Variants in VCAM1 observed in about 807,000 individuals in gnomAD.
The protein encoded by VCAM1 is vascular cell adhesion protein 1.
Under a neutral mutation model 63.8 loss-of-function variants are expected in VCAM1, and 41 were observed. That is an observed-to-expected ratio of 0.64 (90% CI 0.50 to 0.83). The LOEUF is 0.83. Ranked by LOEUF, VCAM1 falls within the 40% of genes least tolerant of loss-of-function variation. The probability of loss-of-function intolerance (pLI) is 0.00; values close to 1 mark genes in which losing one functional copy is unlikely to be tolerated. For missense variants in VCAM1, 798 were observed against 875.5 expected, an observed-to-expected ratio of 0.91 and a Z score of 1.12; for synonymous variants, 338 against 320.7, an observed-to-expected ratio of 1.05 and a Z score of -0.58.
intron 7 of VCAM1, among the ~76,000 whole-genome samples, chr1:100,733,486 C>T (rs3917066): frequency 4.6e-5 from 7 of 152,022 alleles, no homozygotes; most frequent in Non-Finnish European, 1.0e-4. Flanking sequence ...ATTGGAAAGA[C>T]AATACACATC....
In VCAM1 at chr1:100,724,882, T is replaced by C; in HGVS notation, c.920T>C (p.Ile307Thr). ...AAAAACAGAAAAGAGGTGGAATTAATTGTTCAAGGTGAGTAGAATGTGAAA... is the reference window on the plus strand; with the variant it reads ...AAAAACAGAAAAGAGGTGGAATTAACTGTTCAAGGTGAGTAGAATGTGAAA... Reference protein sequence around the residue: ...IGKNRKEVELIVQEKPFTVEI... With the variant: ...IGKNRKEVELTVQEKPFTVEI... Residue 307 changes from isoleucine (I) to threonine (T), a missense_variant, in exon 4 of 9, where the codon ATT becomes ACT. By Grantham distance (89) the Ile-to-Thr change is moderately conservative (BLOSUM62 -1). Transcript: ENST00000294728. 6.2e-7 allele frequency: 1 copy of C among 1,612,406 alleles called. No homozygotes were observed. Among genetic ancestry groups the C allele is most frequent in the Middle Eastern group, 1.7e-4 (1 of 6,044 alleles).
intron 1 of VCAM1, 52 bp from the exon 2 acceptor site, chr1:100,720,424 A>G (rs1659918527): frequency 6.4e-7 from 1 of 1,572,062 alleles, no homozygotes; most frequent in Non-Finnish European, 8.6e-7. Context: ...AAGGAGGAGA[A>G]TACTAGACAA....
chr1:100,720,984 A>C (rs1659934238), intron 2 of VCAM1, among the ~76,000 whole-genome samples: 5 of 151,890 alleles, frequency 3.3e-5, no homozygotes, highest in Non-Finnish European at 1.5e-5. Context: ...CATGTATAAG[A>C]CTCAACCTCT....
rs777878246 is a variant in VCAM1 at position 100,720,648 on chromosome 1, G to A, written c.237G>A (p.Thr79=). 4 of 1,613,076 alleles carry A rather than the reference G, an allele frequency of 2.5e-6. No homozygotes were observed. The highest frequency in any genetic ancestry group is 1.6e-4 in the Middle Eastern group (1 of 6,080). Residue 79 remains threonine, a synonymous_variant, in exon 2 of 9, where the codon ACG becomes ACA. Coordinates refer to ENST00000294728, the MANE Select transcript of VCAM1 (RefSeq NM_001078.4). ...GKVTNEGTTS[T]LTMNPVSFGN... ...TGACGAATGAGGGGACCACATCTAC[G>A]CTGACAATGAATCCTGTTAGTTTTG...
chr1:100,723,411 G>T, intron 3 of VCAM1, 71 bp downstream of exon 3: 3 of 1,443,030 alleles, frequency 2.1e-6, no homozygotes, highest in South Asian at 1.4e-5. Context: ...AATAAACTTA[G>T]CAGAAAAGTA....
chr1:100,733,872 T>C (rs1008444127), intron 7 of VCAM1, among the ~76,000 whole-genome samples: 2 of 152,246 alleles, frequency 1.3e-5, no homozygotes, highest in Non-Finnish European at 2.9e-5. Context: ...CTGAATTCTA[T>C]AGCTCTTTAT....
chr1:100,733,201 A>G (rs1660524382), intron 7 of VCAM1, among the ~76,000 whole-genome samples: 1 of 152,226 alleles, frequency 6.6e-6, no homozygotes, highest in African/African-American at 2.4e-5. Flanking sequence ...AAGTAGATTA[A>G]GTCAACAGAT....
At position 100,732,512 on chromosome 1, in the gene VCAM1, T is replaced by C; in HGVS notation, c.1620T>C (p.Pro540=). The C allele has an allele frequency of 6.2e-7, 1 of 1,613,284 alleles. No individual in the cohort carries two copies. The highest frequency in any genetic ancestry group is 1.1e-5 in the South Asian group (1 of 90,846). ...VNMTCLSQGF[P]APKILWSRQL... ...TGACATGCTTGAGCCAGGGCTTTCC[T>C]GCTCCGAAAATCCTGTGGAGCAGGC... Residue 540 remains proline, a synonymous_variant, in exon 7 of 9, where the codon CCT becomes CCC. Transcript: ENST00000294728.
chr1:100,726,920 G>C (rs532459083), intron 4 of VCAM1, among the ~76,000 whole-genome samples: 14 of 152,166 alleles, frequency 9.2e-5, no homozygotes, highest in Admixed American at 3.9e-4. Flanking sequence ...CCAGCACTTT[G>C]GGAGGCTTAG....
chr1:100,725,872 AAC>A (rs1226079663), intron 4 of VCAM1, among the ~76,000 whole-genome samples: 1 of 152,092 alleles, frequency 6.6e-6, no homozygotes, highest in East Asian at 1.9e-4. Context: ...AAGTCAAGTC[AAC>A]AAATCCATTG....
At chr1:100,723,430 A>G in intron 3 of VCAM1, 90 bp downstream of exon 3, 1 of 1,334,026 alleles carries the variant, frequency 7.5e-7, no homozygotes, top group Non-Finnish European at 1.0e-6. Flanking sequence ...TAAAAAAAAA[A>G]AAAACTTGTA....
rs1412540448 is a variant in VCAM1 at position 100,738,508 on chromosome 1, T to C, written c.*225T>C. 7.1e-6 allele frequency: 3 copies of C among 420,724 alleles called. No individual in the cohort carries two copies. Among genetic ancestry groups the C allele is most frequent in the African/African-American group, 6.0e-5 (3 of 50,326 alleles). 26.1% of individuals were successfully genotyped at this position (420,724 alleles called of 1,614,324 possible). Reference sequence around the variant, plus strand: ...CATCAAGATGAGAGAACTGGAGGAGTTCCTTGATCTGTATATACAATAACA... The same window carrying C: ...CATCAAGATGAGAGAACTGGAGGAGCTCCTTGATCTGTATATACAATAACA... On this transcript the variant is annotated 3_prime_UTR_variant, in exon 9 of 9. Coordinates refer to ENST00000294728, the MANE Select transcript of VCAM1 (RefSeq NM_001078.4).
chr1:100,731,406 C>T lies in VCAM1; in HGVS notation c.1413C>T (p.Ile471=). The change falls in exon 6 of 9, where the codon ATC becomes ATT. Residue 471 remains isoleucine (I), a synonymous_variant. Coordinates refer to ENST00000294728, the MANE Select transcript of VCAM1 (RefSeq NM_001078.4). This position sits in a 1 kb window ranked among gnomAD's most constrained non-coding sequence, Gnocchi z 4.2. ...ACAAAAGTTTGGAAATGACCTTCAT[C>T]CCTACCATTGAAGATACTGGAAAAG... ...LENKSLEMTF[I]PTIEDTGKAL... The T allele has an allele frequency of 6.2e-7, 1 of 1,613,780 alleles. No individual in the cohort carries two copies. The highest frequency in any genetic ancestry group is 1.1e-5 in the South Asian group (1 of 91,074).
At chr1:100,737,845 C>A in intron 8 of VCAM1, 1 of 231,546 alleles carries the variant, frequency 4.3e-6, no homozygotes, top group Non-Finnish European at 8.4e-6. Context: ...TTGTACCCTC[C>A]CTTCCATTTT....
At chr1:100,723,420 TA>T (rs34323941) in intron 3 of VCAM1, 80 bp downstream of exon 3, 161,993 of 1,030,716 alleles carry the variant, frequency 0.16, 280 homozygotes, top group East Asian at 0.19. Flanking sequence ...AGCAGAAAAG[TA>T]AAAAAAAAAA....
intron 4 of VCAM1, among the ~76,000 whole-genome samples, chr1:100,727,177 T>C (rs948689261): frequency 5.9e-5 from 9 of 151,950 alleles, no homozygotes; most frequent in African/African-American, 1.9e-4. Flanking sequence ...CAGCATAGTC[T>C]TTTGTTTGTT....
chr1:100,730,815 A>G (rs1484123747), intron 5 of VCAM1, among the ~76,000 whole-genome samples: 2 of 152,176 alleles, frequency 1.3e-5, no homozygotes, highest in Admixed American at 6.6e-5. Flanking sequence ...TTAGGGGACT[A>G]GTTTACAATA....
intron 8 of VCAM1, chr1:100,736,417 C>T (rs1230243462): frequency 6.6e-6 from 1 of 152,082 alleles, no homozygotes; most frequent in Non-Finnish European, 1.5e-5. Flanking sequence ...TTAGCTTGAA[C>T]GTATTCCATT....
chr1:100,729,707 A>G (rs1278388293), intron 5 of VCAM1, among the ~76,000 whole-genome samples: 1 of 152,050 alleles, frequency 6.6e-6, no homozygotes, highest in Non-Finnish European at 1.5e-5. Flanking sequence ...GGAGGTGACT[A>G]CTGTTCAGCT....
Sources: gnomAD v4.1 joint callset for allele counts (sites outside exome capture counted in the v4.1 genomes callset) on GRCh38, gnomAD v4.1.1 for gene constraint, Gnocchi (gnomAD v3.1) non-coding constraint, MANE v1.5 for transcripts, NCBI Gene and HGNC (gene_info 2026-07-23, HGNC 2026-07-21) for gene names.